CYP2C19: variants seen among roughly 807,000 people sequenced by gnomAD.
CYP2C19 encodes cytochrome P450 family 2 subfamily C member 19.
Under a neutral mutation model 40.9 loss-of-function variants are expected in CYP2C19, and 59 were observed. The ratio of observed to expected loss-of-function variants is 1.44; its 90% CI spans 1.17 to 1.79. The LOEUF (loss-of-function observed/expected upper bound fraction) is 1.79. Among genes scored for constraint, CYP2C19 ranks in the 40% most tolerant of loss-of-function variants. The probability of loss-of-function intolerance (pLI) is 0.00; values close to 1 mark genes in which losing one functional copy is unlikely to be tolerated. For synonymous variants in CYP2C19, 253 were observed against 208.7 expected (o/e 1.21, Z -1.83); for missense variants, 754 against 596.9 (o/e 1.26, Z -2.74).
At chr10:94,811,167 C>T (rs1293156877) in intron 5 of CYP2C19, among the ~76,000 whole-genome samples, 1 of 152,186 alleles carries the variant, frequency 6.6e-6, no homozygotes, top group Non-Finnish European at 1.5e-5. Flanking sequence ...GCAGGTTGTT[C>T]AGTTTCCATG....
intron 6 of CYP2C19, among the ~76,000 whole-genome samples, chr10:94,832,148 A>G (rs1449641636): frequency 2.6e-5 from 4 of 152,146 alleles, no homozygotes; most frequent in African/African-American, 7.2e-5. Flanking sequence ...AGCACAATCT[A>G]TTGATGAGAT....
rs144056033 is a variant in CYP2C19, at chr10:94,849,983, A to G, written c.1216A>G (p.Met406Val). 1.4e-5 allele frequency: 23 copies of G among 1,613,784 alleles called. No individual in the cohort carries two copies. Among genetic ancestry groups the G allele is most frequent in the Non-Finnish European group, 1.4e-5 (17 of 1,179,800 alleles). ...HDNKEFPNPE[M>V]FDPRHFLDEG... is the part of the protein sequence containing the mutation. Reference sequence around the variant, plus strand: ...CAACAAAGAATTTCCCAACCCAGAGATGTTTGACCCTCGTCACTTTCTGGA... The same window carrying G: ...CAACAAAGAATTTCCCAACCCAGAGGTGTTTGACCCTCGTCACTTTCTGGA... Residue 406 changes from methionine to valine, a missense_variant, in exon 8 of 9, where the codon ATG becomes GTG. Transcript: ENST00000371321.
chr10:94,845,862 T>C (rs1402758640), intron 7 of CYP2C19, among the ~76,000 whole-genome samples: 2 of 152,066 alleles, frequency 1.3e-5, no homozygotes, highest in Non-Finnish European at 2.9e-5. Context: ...TATTATAAAA[T>C]TTTTAAGAAT....
intron 5 of CYP2C19, among the ~76,000 whole-genome samples, chr10:94,792,469 C>G (rs950321620): frequency 2.6e-5 from 4 of 152,098 alleles, no homozygotes; most frequent in African/African-American, 9.7e-5. Context: ...TACAATTTGA[C>G]ACTTTTTTAC....
chr10:94,845,477 A>T (rs1849558734), intron 7 of CYP2C19, among the ~76,000 whole-genome samples: 1 of 152,174 alleles, frequency 6.6e-6, no homozygotes, highest in African/African-American at 2.4e-5. Flanking sequence ...CCAATATAAG[A>T]CTTTCCTGTC....
At chr10:94,838,693 C>T (rs1003745568) in intron 6 of CYP2C19, among the ~76,000 whole-genome samples, 1 of 151,964 alleles carries the variant, frequency 6.6e-6, no homozygotes, top group East Asian at 1.9e-4. Context: ...CAGGGGGACA[C>T]TGGGATAGGG....
rs1848389702 is a variant in CYP2C19 at position 94,775,172 on chromosome 10, T to C, written c.283T>C (p.Ser95Pro). 28 of 1,614,076 alleles carry C rather than the reference T, an allele frequency of 1.7e-5. 1 individual carries two copies. Among genetic ancestry groups the C allele is most frequent in the Non-Finnish European group, 2.4e-5 (28 of 1,180,014 alleles). The change falls in exon 2 of 9, where the codon TCT becomes CCT. Residue 95 changes from serine to proline, a missense_variant. Ser to Pro is a moderately conservative substitution (Grantham distance 74). Coordinates refer to ENST00000371321, the MANE Select transcript of CYP2C19 (RefSeq NM_000769.4). Reference sequence around the variant, plus strand: ...CCTGATTGATCTTGGAGAGGAGTTTTCTGGAAGAGGCCATTTCCCACTGGC... The same window carrying C: ...CCTGATTGATCTTGGAGAGGAGTTTCCTGGAAGAGGCCATTTCCCACTGGC... The part of the protein sequence containing the change: ...EALIDLGEEF[S>P]GRGHFPLAER...
chr10:94,808,571 C>T (rs1286390149), intron 5 of CYP2C19, among the ~76,000 whole-genome samples: 2 of 152,078 alleles, frequency 1.3e-5, no homozygotes, highest in Non-Finnish European at 2.9e-5. Flanking sequence ...ATTTCCACTC[C>T]CCTTCACCCA....
Position 94,854,366 on chromosome 10 carries a change from T to C in CYP2C19, c.*1452T>C, listed in dbSNP as rs1849701830. ...TACCAGGGTTTAATCTTTTTCAGCT[T>C]CTCCTATATTGTTTTAGTTTTAACA... On this transcript the variant is annotated 3_prime_UTR_variant, in exon 9 of 9. Coordinates refer to ENST00000371321, the MANE Select transcript of CYP2C19 (RefSeq NM_000769.4). 6.6e-6 allele frequency among the ~76,000 whole-genome samples: 1 copy of C among 152,112 alleles called. No individual in the cohort carries two copies.
At chr10:94,772,891 C>T (rs1478664535) in intron 1 of CYP2C19, among the ~76,000 whole-genome samples, 2 of 152,200 alleles carry the variant, frequency 1.3e-5, no homozygotes, top group African/African-American at 4.8e-5. Context: ...ATGCCATTCT[C>T]CTGCCTCAGC....
intron 1 of CYP2C19, among the ~76,000 whole-genome samples, chr10:94,769,846 G>A (rs1437327416): frequency 6.6e-6 from 1 of 152,086 alleles, no homozygotes; most frequent in Non-Finnish European, 1.5e-5. Context: ...TCAAGTAGGG[G>A]ACAACAAATG....
At chr10:94,809,391 T>C (rs1489647239) in intron 5 of CYP2C19, among the ~76,000 whole-genome samples, 1 of 152,182 alleles carries the variant, frequency 6.6e-6, no homozygotes, top group Admixed American at 6.5e-5. Flanking sequence ...GGGTTATCTT[T>C]TCACTTTATT....
At chr10:94,843,189 G>T (rs1440813197) in intron 7 of CYP2C19, among the ~76,000 whole-genome samples, 165 bp downstream of exon 7, 4 of 152,204 alleles carry the variant, frequency 2.6e-5, no homozygotes, top group Non-Finnish European at 4.4e-5. Context: ...ATAAAGATTT[G>T]TAACAGGTCT....
intron 6 of CYP2C19, among the ~76,000 whole-genome samples, chr10:94,832,178 G>A (rs569139186): frequency 6.6e-5 from 10 of 152,204 alleles, no homozygotes; most frequent in South Asian, 6.2e-4. Flanking sequence ...CCCAGTGTAC[G>A]TTCTTGGTAC....
In CYP2C19 at chr10:94,849,992, C is replaced by G; in HGVS notation, c.1225C>G (p.Pro409Ala). The change falls in exon 8 of 9, where the codon CCT (proline) becomes GCT (alanine). Residue 409 changes from proline (P) to alanine (A), a missense_variant. By Grantham distance (27) the Pro-to-Ala change is conservative. Coordinates refer to ENST00000371321, the MANE Select transcript of CYP2C19 (RefSeq NM_000769.4). Reference protein sequence around the residue: ...KEFPNPEMFDPRHFLDEGGNF... With the variant: ...KEFPNPEMFDARHFLDEGGNF... ...ATTTCCCAACCCAGAGATGTTTGACCCTCGTCACTTTCTGGATGAAGGTGG... is the reference window on the plus strand; with the variant it reads ...ATTTCCCAACCCAGAGATGTTTGACGCTCGTCACTTTCTGGATGAAGGTGG... The G allele has an allele frequency of 6.2e-7, 1 of 1,613,654 alleles. No homozygotes were observed. The highest frequency in any genetic ancestry group is 1.7e-4 in the Middle Eastern group (1 of 6,060).
intron 6 of CYP2C19, among the ~76,000 whole-genome samples, chr10:94,836,630 A>C (rs1849407583): frequency 1.3e-5 from 2 of 152,208 alleles, no homozygotes; most frequent in Non-Finnish European, 2.9e-5. Flanking sequence ...GAACCCTCTT[A>C]GTTGCTTTAT....
chr10:94,780,729 T>C, intron 4 of CYP2C19, 70 bp downstream of exon 4: 1 of 1,547,672 alleles, frequency 6.5e-7, no homozygotes, highest in Non-Finnish European at 8.9e-7. Flanking sequence ...CAAAATTCTA[T>C]ATTGACCAAG....
chr10:94,823,240 G>T (rs556461212), intron 6 of CYP2C19, among the ~76,000 whole-genome samples: 3 of 152,068 alleles, frequency 2.0e-5, no homozygotes, highest in African/African-American at 4.8e-5. Context: ...TCTCTGCCTA[G>T]GTTTCCTACA....
intron 8 of CYP2C19, 74 bp downstream of exon 8, chr10:94,850,132 C>T: frequency 2.0e-6 from 3 of 1,531,526 alleles, no homozygotes; most frequent in Admixed American, 1.7e-5. Flanking sequence ...CTTACATGTG[C>T]CTTCTCTGCA....
Sources: gnomAD v4.1 joint callset for allele counts (sites outside exome capture counted in the v4.1 genomes callset) on GRCh38, gnomAD v4.1.1 for gene constraint, MANE v1.5 for transcripts, NCBI Gene and HGNC (gene_info 2026-07-23, HGNC 2026-07-21) for gene names.